Variants in MCTP1 observed in about 807,000 individuals in gnomAD.
MCTP1 encodes the protein multiple C2 and transmembrane domain containing 1.
MCTP1 carries 69 observed loss-of-function variants against 120.6 expected under a neutral mutation model. The observed-to-expected ratio is 0.57, with a 90% CI of 0.47 to 0.70. The LOEUF is 0.70. Among genes scored for constraint, MCTP1 ranks in the 30% least tolerant of loss-of-function variants. The pLI, the probability that MCTP1 is intolerant of heterozygous loss-of-function variation, is 0.00. For missense variants in MCTP1, 1,203 were observed against 1,248.8 expected (o/e 0.96, Z 0.55); for synonymous variants, 529 against 493.1 (o/e 1.07, Z -0.96).
intron 14 of MCTP1, 56 bp downstream of exon 14, chr5:94,871,259 T>C: frequency 9.2e-7 from 1 of 1,088,942 alleles, no homozygotes; most frequent in Admixed American, 1.9e-5. Flanking sequence ...TTTCTTTTTT[T>C]TTTTTTCCGT....
At chr5:95,073,556 C>T (rs1221090364) in intron 1 of MCTP1, among the ~76,000 whole-genome samples, 4 of 152,144 alleles carry the variant, frequency 2.6e-5, no homozygotes, top group African/African-American at 9.7e-5. Context: ...CTATATCTTT[C>T]CAAGTGGTTA....
intron 6 of MCTP1, 26 bp downstream of exon 6, chr5:94,931,927 C>G (rs1814784794): frequency 6.3e-7 from 1 of 1,577,628 alleles, no homozygotes; most frequent in Non-Finnish European, 8.7e-7. Flanking sequence ...ACAAGAAAAG[C>G]TGAAAGATCA....
At chr5:94,872,073 A>G (rs1244487640) in intron 13 of MCTP1, among the ~76,000 whole-genome samples, 2 of 152,132 alleles carry the variant, frequency 1.3e-5, no homozygotes, top group African/African-American at 4.8e-5. Flanking sequence ...AGCTCTTCAT[A>G]TTTTTATTTC....
At chr5:94,815,025 G>A (rs1025827294) in intron 17 of MCTP1, among the ~76,000 whole-genome samples, 5 of 152,136 alleles carry the variant, frequency 3.3e-5, no homozygotes, top group African/African-American at 9.7e-5. Context: ...ATTCGTCTAC[G>A]GGAAATACAG....
intron 9 of MCTP1, among the ~76,000 whole-genome samples, chr5:94,912,570 T>C (rs533938718): frequency 1.3e-5 from 2 of 151,622 alleles, no homozygotes; most frequent in Non-Finnish European, 2.9e-5. Flanking sequence ...GTTCCAACTA[T>C]TATTGCTATG....
chr5:95,205,885 C>T (rs1001241670), intron 1 of MCTP1, among the ~76,000 whole-genome samples: 4 of 151,992 alleles, frequency 2.6e-5, no homozygotes. Context: ...TGGAAAATAA[C>T]AAGTGTTGAC....
intron 1 of MCTP1, among the ~76,000 whole-genome samples, chr5:95,236,282 G>A (rs1755536545): frequency 1.3e-5 from 2 of 152,332 alleles, no homozygotes; most frequent in Non-Finnish European, 2.9e-5. Context: ...GATGAATTAT[G>A]TCCTAGTCAA....
At chr5:94,827,531 G>A (rs928587699) in intron 17 of MCTP1, among the ~76,000 whole-genome samples, 1 of 151,998 alleles carries the variant, frequency 6.6e-6, no homozygotes, top group African/African-American at 2.4e-5. Flanking sequence ...GCTAGGTTGG[G>A]GAAGTTCTCC....
At chr5:95,211,836 T>G (rs1752417153) in intron 1 of MCTP1, among the ~76,000 whole-genome samples, 2 of 152,306 alleles carry the variant, frequency 1.3e-5, no homozygotes, top group Middle Eastern at 3.4e-3. Context: ...ATGATGGTGA[T>G]GTACAGATGG....
rs887532747 is a variant in MCTP1 at position 94,963,356 on chromosome 5, T to TTA, written c.839-9996_839-9995insTA. 1.9e-4 allele frequency among the ~76,000 whole-genome samples: 23 copies of TTA among 121,062 alleles called. 1 individual carries two copies. Among genetic ancestry groups the TTA allele is most frequent in the African/African-American group, 7.9e-4 (20 of 25,270 alleles). The allele number at this position is 121,062 out of a possible 152,430, so 79.4% of individuals were successfully genotyped here. A position where few individuals can be genotyped will look rare whatever the true frequency, so the allele number is the denominator to read the frequency against. On this transcript the variant is annotated intron_variant, in intron 2 of 22. Coordinates refer to ENST00000515393, the MANE Select transcript of MCTP1 (RefSeq NM_024717.7). ...TTGCTAGGTAATATTGTAATTCTAT[T>TTA]TTTTTTTTTTTTTGAGAAACCTCCA...
chr5:94,717,392 A>G (rs1228643269), intron 19 of MCTP1, among the ~76,000 whole-genome samples: 1 of 152,224 alleles, frequency 6.6e-6, no homozygotes, highest in Non-Finnish European at 1.5e-5. Flanking sequence ...AGGGCCATTT[A>G]TGACAAACCC....
At chr5:94,959,751 T>C (rs546355202) in intron 2 of MCTP1, among the ~76,000 whole-genome samples, 1 of 152,260 alleles carries the variant, frequency 6.6e-6, no homozygotes, top group Non-Finnish European at 1.5e-5. Flanking sequence ...TACAAACCAC[T>C]GCTCAAGGAA....
chr5:94,988,581 A>G (rs1283926848), intron 2 of MCTP1, among the ~76,000 whole-genome samples: 2 of 149,668 alleles, frequency 1.3e-5, no homozygotes, highest in Non-Finnish European at 1.5e-5. Flanking sequence ...TTGGCATTTA[A>G]TAATTCCCTG....
At chr5:94,790,368 C>T (rs1778641719) in intron 18 of MCTP1, among the ~76,000 whole-genome samples, 1 of 152,314 alleles carries the variant, frequency 6.6e-6, no homozygotes, top group African/African-American at 2.4e-5. Flanking sequence ...AAAGAGGACC[C>T]ACCAGACTAT....
intron 1 of MCTP1, among the ~76,000 whole-genome samples, chr5:95,153,239 G>A (rs953840818): frequency 6.6e-6 from 1 of 152,004 alleles, no homozygotes; most frequent in Non-Finnish European, 1.5e-5. Flanking sequence ...CATTCCCCCC[G>A]ACCTCTCCTG....
intron 1 of MCTP1, among the ~76,000 whole-genome samples, chr5:95,151,016 T>C (rs1760847643): frequency 6.6e-6 from 1 of 151,812 alleles, no homozygotes; most frequent in Non-Finnish European, 1.5e-5. Context: ...TTGCCCAGGC[T>C]GGAGTGCAGT....
chr5:95,017,502 T>TA lies in MCTP1; in HGVS notation c.721-19dup. On this transcript the variant is annotated intron_variant, in intron 1 of 22. Coordinates refer to ENST00000515393, the MANE Select transcript of MCTP1 (RefSeq NM_024717.7). ...ATTATTTTCTGGAAAACACGAAATA[T>TA]AAAAAATATTAAATTTATTATCTCT... is the stretch of plus-strand genomic sequence containing the variant. 6 of 1,484,728 alleles carry TA rather than the reference T, an allele frequency of 4.0e-6. No individual in the cohort carries two copies. The highest frequency in any genetic ancestry group is 5.6e-6 in the Non-Finnish European group (6 of 1,080,776). 92.0% of individuals were successfully genotyped at this position (1,484,728 alleles called of 1,614,324 possible). A position where few individuals can be genotyped will look rare whatever the true frequency, so the allele number is the denominator to read the frequency against.
intron 7 of MCTP1, among the ~76,000 whole-genome samples, chr5:94,920,635 G>A (rs567564189): frequency 1.7e-3 from 264 of 151,876 alleles, no homozygotes; most frequent in African/African-American, 5.8e-3. Context: ...CCAGCTACTC[G>A]GGAGGCTGAG....
chr5:95,120,735 A>G (rs912806781), intron 1 of MCTP1, among the ~76,000 whole-genome samples: 1 of 152,232 alleles, frequency 6.6e-6, no homozygotes, highest in African/African-American at 2.4e-5. Flanking sequence ...ATAATACTGA[A>G]TGGGGAAAAA....
Sources: allele counts gnomAD v4.1 joint callset (sites outside exome capture counted in the v4.1 genomes callset), GRCh38; gene constraint gnomAD v4.1.1; transcripts MANE v1.5; gene names NCBI Gene and HGNC (gene_info 2026-07-23, HGNC 2026-07-21).